Variants in LARP4 observed in about 807,000 individuals in gnomAD.
LARP4 encodes la-related protein 4.
Under a neutral mutation model 92.9 loss-of-function variants are expected in LARP4, and 29 were observed. The observed-to-expected ratio is 0.31, with a 90% CI of 0.23 to 0.43. The LOEUF (loss-of-function observed/expected upper bound fraction) is 0.43, where lower values mean the gene tolerates loss of function less well. Among genes scored for constraint, LARP4 ranks in the 20% least tolerant of loss-of-function variants. The pLI, the probability that LARP4 is intolerant of heterozygous loss-of-function variation, is 1.00. For missense variants in LARP4, 732 were observed against 860.0 expected, an observed-to-expected ratio of 0.85 and a Z score of 1.86; for synonymous variants, 279 against 284.1, an observed-to-expected ratio of 0.98 and a Z score of 0.18.
At position 50,429,054 on chromosome 12, in the gene LARP4, C is replaced by A; in HGVS notation, c.286C>A (p.Pro96Thr). Residue 96 changes from proline to threonine, a missense_variant, in exon 3 of 16, where the codon CCA becomes ACA. This residue lies in a region of LARP4 where 236 missense variants were observed against 307.6 expected (regional missense o/e 0.77). Coordinates refer to ENST00000398473, the MANE Select transcript of LARP4 (RefSeq NM_052879.5). ...EESTDGMILG[P>T]EDLSYQIYDV... Reference sequence around the variant, plus strand: ...ATCAACTGATGGGATGATTTTAGGACCAGAAGATCTGAGTTACCAAATATA... The same window carrying A: ...ATCAACTGATGGGATGATTTTAGGAACAGAAGATCTGAGTTACCAAATATA... The A allele has an allele frequency of 1.2e-6, 2 of 1,611,222 alleles. 1 individual carries two copies. The highest frequency in any genetic ancestry group is 2.2e-5 in the South Asian group (2 of 90,230).
intron 1 of LARP4, among the ~76,000 whole-genome samples, chr12:50,406,295 C>T (rs1944816640): frequency 6.6e-6 from 1 of 151,486 alleles, no homozygotes; most frequent in Non-Finnish European, 1.5e-5. Flanking sequence ...CAAAGTTAGA[C>T]ACCCCCCACC....
chr12:50,417,476 C>A (rs1455601764), intron 1 of LARP4, among the ~76,000 whole-genome samples: 1 of 152,068 alleles, frequency 6.6e-6, no homozygotes, highest in African/African-American at 2.4e-5. Context: ...TTGTCTTCCT[C>A]CCTGAGCTAA....
At chr12:50,436,423 C>T (rs548917714) in intron 5 of LARP4, among the ~76,000 whole-genome samples, 2 of 152,090 alleles carry the variant, frequency 1.3e-5, no homozygotes, top group African/African-American at 2.4e-5. Context: ...AGATATGTAT[C>T]GTTATCACAC....
intron 1 of LARP4, among the ~76,000 whole-genome samples, chr12:50,413,915 A>G (rs1250915788): frequency 4.6e-5 from 7 of 152,194 alleles, no homozygotes; most frequent in South Asian, 2.1e-4. Flanking sequence ...TAGATGAACT[A>G]CAGTTCACCT....
intron 13 of LARP4, among the ~76,000 whole-genome samples, chr12:50,469,596 T>C (rs1593448521): frequency 1.6e-5 from 1 of 64,126 alleles, no homozygotes; most frequent in Non-Finnish European, 3.1e-5. Context: ...AGAGCGAGAC[T>C]CTATCAAAAA....
At chr12:50,466,566 A>G (rs1956176357) in intron 12 of LARP4, among the ~76,000 whole-genome samples, 1 of 152,132 alleles carries the variant, frequency 6.6e-6, no homozygotes, top group African/African-American at 2.4e-5. Context: ...GTGAGCTATG[A>G]TTGTGTCACT....
intron 5 of LARP4, among the ~76,000 whole-genome samples, chr12:50,436,111 T>TGC: frequency 6.9e-6 from 1 of 144,226 alleles, no homozygotes. Flanking sequence ...GGTGTGTGTG[T>TGC]GTGTGTGTGA....
chr12:50,440,342 A>G (rs935023923), intron 6 of LARP4, 97 bp from the exon 7 acceptor site: 8 of 828,864 alleles, frequency 9.7e-6, no homozygotes, highest in Admixed American at 6.2e-5. Flanking sequence ...GACCAAAGAC[A>G]TGAAGATAGG....
chr12:50,403,903 A>G (rs1195107520), intron 1 of LARP4, among the ~76,000 whole-genome samples: 4 of 144,306 alleles, frequency 2.8e-5, no homozygotes, highest in Non-Finnish European at 6.0e-5. Context: ...CAATATCTCT[A>G]TGAGGTGTTA....
In LARP4 at chr12:50,435,612, G is replaced by A. The variant is rs1366683136; in HGVS notation, c.523G>A (p.Glu175Lys). The stretch of plus-strand genomic sequence containing the variant: ...GACTACAGACCCTGATCTAATTCTT[G>A]AAGTGTTAAGATGTATGTAAAAATA... ...KLTTDPDLILEVLRSSPMVQV... is the reference protein window; with the variant it reads ...KLTTDPDLILKVLRSSPMVQV... The change falls in exon 5 of 16, where the codon GAA (glutamate) becomes AAA (lysine). Residue 175 changes from glutamate to lysine, a missense_variant. By Grantham distance (56) the Glu-to-Lys change is moderately conservative. This residue lies in a region of LARP4 where 236 missense variants were observed against 307.6 expected (regional missense o/e 0.77). Coordinates refer to ENST00000398473, the MANE Select transcript of LARP4 (RefSeq NM_052879.5). The A allele has an allele frequency of 2.5e-6, 4 of 1,594,218 alleles. No individual in the cohort carries two copies. The highest frequency in any genetic ancestry group is 3.4e-6 in the Non-Finnish European group (4 of 1,170,250).
rs1330070598 is a variant in LARP4, at chr12:50,462,565, C to CCT, written c.1335-17_1335-16insCT. 6.7e-6 allele frequency: 10 copies of CCT among 1,500,224 alleles called. No individual in the cohort carries two copies. The highest frequency in any genetic ancestry group is 3.6e-5 in the South Asian group (3 of 83,886). The allele number at this position is 1,500,224 out of a possible 1,614,324, so 92.9% of individuals were successfully genotyped here. On this transcript the variant is annotated splice_polypyrimidine_tract_variant and intron_variant, in intron 11 of 15. Transcript: ENST00000398473. ...TCCCTCCACCCCACCCCACCCCCACCTTTTTCTTATTAAAAGGAGAACTCT... is the reference window on the plus strand; with the variant it reads ...TCCCTCCACCCCACCCCACCCCCACCCTTTTTTCTTATTAAAAGGAGAACTCT...
chr12:50,464,253 C>T (rs1384804094), intron 12 of LARP4, among the ~76,000 whole-genome samples: 7 of 152,218 alleles, frequency 4.6e-5, no homozygotes, highest in South Asian at 2.1e-4. Flanking sequence ...AGGCATCTGC[C>T]CAGCTTCTGG....
At chr12:50,407,940 T>C (rs1945142375) in intron 1 of LARP4, among the ~76,000 whole-genome samples, 1 of 152,160 alleles carries the variant, frequency 6.6e-6, no homozygotes, top group South Asian at 2.1e-4. Context: ...AAGAAACATC[T>C]AAGTATGTAC....
chr12:50,474,260 T>A, intron 15 of LARP4, 93 bp downstream of exon 15: 1 of 990,508 alleles, frequency 1.0e-6, no homozygotes, highest in Non-Finnish European at 1.5e-6. Context: ...ACAGAGTCAT[T>A]TGGAAGTAGC....
intron 4 of LARP4, 64 bp downstream of exon 4, chr12:50,430,634 C>A: frequency 2.2e-6 from 2 of 918,448 alleles, no homozygotes; most frequent in Non-Finnish European, 3.4e-6. Flanking sequence ...AAATAGAGCG[C>A]AAGGATGGTG....
chr12:50,464,798 C>G (rs1955923706), intron 12 of LARP4, among the ~76,000 whole-genome samples: 1 of 152,082 alleles, frequency 6.6e-6, no homozygotes, highest in Admixed American at 6.6e-5. Flanking sequence ...TCAAGTGATT[C>G]TCTTGCCTCA....
chr12:50,475,871 A>G lies in LARP4; in HGVS notation c.*7A>G, dbSNP rs752864797. On this transcript the variant is annotated 3_prime_UTR_variant, in exon 16 of 16. Coordinates refer to ENST00000398473, the MANE Select transcript of LARP4 (RefSeq NM_052879.5). ...ACCCAGATCACCAAAGTAAAAAACA[A>G]CAAAACTATTCAAAAACTTCACTCT... 3 of 1,608,224 alleles carry G rather than the reference A, an allele frequency of 1.9e-6. No homozygotes were observed. The highest frequency in any genetic ancestry group is 2.5e-6 in the Non-Finnish European group (3 of 1,176,528).
intron 12 of LARP4, among the ~76,000 whole-genome samples, chr12:50,462,842 G>T (rs925385570): frequency 2.0e-5 from 3 of 152,020 alleles, no homozygotes; most frequent in South Asian, 2.1e-4. Context: ...CGCTTGTGTT[G>T]CTTGCTTAAA....
rs1420740205 is a variant in LARP4 at position 50,479,952 on chromosome 12, G to A, written c.*4088G>A. ...TTGTATTTGTTTTCAACATCGCCAA[G>A]GTGCTATGGGAAATTAACAAAATTA... On this transcript the variant is annotated 3_prime_UTR_variant, in exon 16 of 16. Coordinates refer to ENST00000398473, the MANE Select transcript of LARP4 (RefSeq NM_052879.5). 2 of 152,222 alleles carry A rather than the reference G, an allele frequency of 1.3e-5. No homozygotes were observed. The highest frequency in any genetic ancestry group is 1.9e-4 in the East Asian group (1 of 5,180). 9.4% of individuals were successfully genotyped at this position (152,222 alleles called of 1,614,324 possible).
Sources: allele counts gnomAD v4.1 joint callset (sites outside exome capture counted in the v4.1 genomes callset), GRCh38; gene constraint gnomAD v4.1.1; regional missense constraint gnomAD v4.1.1; transcripts MANE v1.5; gene names NCBI Gene and HGNC (gene_info 2026-07-23, HGNC 2026-07-21).